The following GRIA1 variants were observed in gnomAD, a reference collection of about 807,000 sequenced individuals.
GRIA1 encodes glutamate receptor 1.
In GRIA1, 31 loss-of-function variants were observed where a neutral mutation model predicts 99.2. The ratio of observed to expected loss-of-function variants is 0.31; its 90% CI spans 0.23 to 0.42. The LOEUF is 0.42. GRIA1 is among the 10% of genes least tolerant of loss of function. The pLI, the probability that GRIA1 is intolerant of heterozygous loss-of-function variation, is 1.00. For synonymous variants in GRIA1, 438 were observed against 432.4 expected, an observed-to-expected ratio of 1.01 and a Z score of -0.16; for missense variants, 782 against 1,157.5, an observed-to-expected ratio of 0.68 and a Z score of 4.71.
chr5:153,551,078 T>A (rs1207652863), intron 2 of GRIA1, among the ~76,000 whole-genome samples: 3 of 152,144 alleles, frequency 2.0e-5, no homozygotes, highest in African/African-American at 7.2e-5. Flanking sequence ...CTATTATTCA[T>A]AACTGGCTCA....
chr5:153,742,450 T>TATTA (rs1322631760), intron 11 of GRIA1, among the ~76,000 whole-genome samples: 1 of 152,166 alleles, frequency 6.6e-6, no homozygotes, highest in Non-Finnish European at 1.5e-5. Flanking sequence ...AAAACAAATA[T>TATTA]ATTATCTTAC....
intron 2 of GRIA1, among the ~76,000 whole-genome samples, chr5:153,605,159 C>T (rs994574164): frequency 2.0e-5 from 3 of 151,310 alleles, no homozygotes; most frequent in Non-Finnish European, 4.4e-5. Context: ...TGCACTCCAG[C>T]CTGGGTGACA....
In GRIA1 at chr5:153,506,316, G is replaced by GGTGTGTGTGTGTGT. The variant is rs61220170; in HGVS notation, c.220+12282_220+12295dup. ...TGTTGCTTATTAGGATGGCAAGAAG[G>GGTGTGTGTGTGTGT]GTGTGTGTGTGTGTGTGTGTGTGTG... On this transcript the variant is annotated intron_variant, in intron 2 of 15. Transcript: ENST00000285900. 7.3e-3 allele frequency among the ~76,000 whole-genome samples: 1,024 copies of GGTGTGTGTGTGTGT among 140,396 alleles called. 9 individuals carry two copies. The highest frequency in any genetic ancestry group is 0.023 in the African/African-American group (865 of 37,136). The allele number at this position is 140,396 out of a possible 152,430, so 92.1% of individuals were successfully genotyped here. A position where few individuals can be genotyped will look rare whatever the true frequency, so the allele number is the denominator to read the frequency against.
intron 2 of GRIA1, among the ~76,000 whole-genome samples, chr5:153,637,487 C>A (rs1028998102): frequency 1.3e-5 from 2 of 152,124 alleles, no homozygotes; most frequent in Admixed American, 1.3e-4. Flanking sequence ...ATGGACCATC[C>A]CGGAAAGATC....
intron 2 of GRIA1, among the ~76,000 whole-genome samples, chr5:153,637,766 C>G (rs550055757): frequency 6.6e-6 from 1 of 152,272 alleles, no homozygotes; most frequent in South Asian, 2.1e-4. Context: ...GTTCAGTGGA[C>G]TGAAGCACAG....
intron 2 of GRIA1, among the ~76,000 whole-genome samples, chr5:153,508,104 A>G (rs1020330559): frequency 3.9e-5 from 6 of 152,220 alleles, no homozygotes; most frequent in African/African-American, 1.4e-4. Context: ...AAATGATACA[A>G]ACATAGCCAA....
chr5:153,782,511 A>C (rs1188031025), intron 13 of GRIA1, among the ~76,000 whole-genome samples: 3 of 152,182 alleles, frequency 2.0e-5, no homozygotes, highest in African/African-American at 7.2e-5. Flanking sequence ...TTTTATATAA[A>C]CTATACAACT....
intron 2 of GRIA1, among the ~76,000 whole-genome samples, chr5:153,519,219 G>A (rs959785242): frequency 1.8e-4 from 28 of 151,884 alleles, no homozygotes; most frequent in Non-Finnish European, 4.0e-4. Context: ...CCAAGATCAC[G>A]CCACTGCACT....
intron 2 of GRIA1, among the ~76,000 whole-genome samples, chr5:153,643,694 A>G (rs903977925): frequency 6.6e-6 from 1 of 152,170 alleles, no homozygotes; most frequent in Non-Finnish European, 1.5e-5. Context: ...AGGCCAGGCT[A>G]CCTCCAAGCC....
At chr5:153,534,938 AT>A (rs1758428221) in intron 2 of GRIA1, among the ~76,000 whole-genome samples, 1 of 131,424 alleles carries the variant, frequency 7.6e-6, no homozygotes, top group Non-Finnish European at 1.8e-5. Context: ...GTTTTGTTTT[AT>A]TTTTGAGGTG....
intron 8 of GRIA1, among the ~76,000 whole-genome samples, chr5:153,687,329 G>A (rs567457894): frequency 6.6e-5 from 10 of 152,204 alleles, no homozygotes; most frequent in South Asian, 4.1e-4. Flanking sequence ...CTGGGGTTCC[G>A]GATAATTTAT....
intron 11 of GRIA1, among the ~76,000 whole-genome samples, chr5:153,748,509 C>T (rs1192171891): frequency 6.6e-6 from 1 of 152,118 alleles, no homozygotes; most frequent in African/African-American, 2.4e-5. Flanking sequence ...CTAAGTGGGA[C>T]AGATTTTAAG....
intron 15 of GRIA1, among the ~76,000 whole-genome samples, chr5:153,807,231 A>G (rs1027928993): frequency 6.6e-6 from 1 of 152,208 alleles, no homozygotes; most frequent in Non-Finnish European, 1.5e-5. Flanking sequence ...CCTTCCACAA[A>G]GACATACTGA....
chr5:153,703,745 GAA>G (rs1758693236), intron 10 of GRIA1, among the ~76,000 whole-genome samples: 1 of 152,124 alleles, frequency 6.6e-6, no homozygotes, highest in Non-Finnish European at 1.5e-5. Context: ...CTCAAAAAAA[GAA>G]AAGGCAATAT....
At chr5:153,727,826 T>A (rs529484033) in intron 11 of GRIA1, among the ~76,000 whole-genome samples, 41 of 152,026 alleles carry the variant, frequency 2.7e-4, no homozygotes, top group Non-Finnish European at 5.2e-4. Flanking sequence ...ATTTATAGAT[T>A]CAATGCCATC....
intron 2 of GRIA1, among the ~76,000 whole-genome samples, chr5:153,585,728 C>T (rs1763428455): frequency 1.3e-5 from 2 of 152,124 alleles, no homozygotes; most frequent in Non-Finnish European, 2.9e-5. Flanking sequence ...GACTAGATTC[C>T]TCTTCCCGTC....
At chr5:153,546,701 C>G (rs1759647227) in intron 2 of GRIA1, among the ~76,000 whole-genome samples, 1 of 152,216 alleles carries the variant, frequency 6.6e-6, no homozygotes, top group African/African-American at 2.4e-5. Flanking sequence ...AAACTCAGCT[C>G]TGCTCCCACA....
chr5:153,718,108 T>C (rs1267312407), intron 11 of GRIA1, among the ~76,000 whole-genome samples: 1 of 152,212 alleles, frequency 6.6e-6, no homozygotes, highest in Admixed American at 6.5e-5. Flanking sequence ...AACCTTGCAT[T>C]AGGCACAAGG....
intron 2 of GRIA1, among the ~76,000 whole-genome samples, chr5:153,536,902 C>T (rs1173930160): frequency 6.6e-6 from 1 of 152,104 alleles, no homozygotes; most frequent in African/African-American, 2.4e-5. Context: ...GTTTGAAGTC[C>T]CTGAGATAAG....
Sources: gnomAD v4.1 joint callset for allele counts (sites outside exome capture counted in the v4.1 genomes callset) on GRCh38, gnomAD v4.1.1 for gene constraint, MANE v1.5 for transcripts, NCBI Gene and HGNC (gene_info 2026-07-23, HGNC 2026-07-21) for gene names.